Variants in MTFR1 observed in about 807,000 individuals in gnomAD.
MTFR1 encodes the protein chondrocyte protein with a poly-proline region.
Under a neutral mutation model 38.8 loss-of-function variants are expected in MTFR1, and 28 were observed. That is an observed-to-expected ratio of 0.72 (90% CI 0.53 to 0.99). The LOEUF (loss-of-function observed/expected upper bound fraction) is 0.99, where lower values mean the gene tolerates loss of function less well. Ranked by LOEUF, MTFR1 falls within the 50% of genes least tolerant of loss-of-function variation. MTFR1 has a pLI of 0.00. For synonymous variants in MTFR1, 145 were observed against 137.0 expected (o/e 1.06, Z -0.41); for missense variants, 358 against 395.5 (o/e 0.91, Z 0.81).
intron 4 of MTFR1, among the ~76,000 whole-genome samples, chr8:65,699,763 C>T (rs1805555998): frequency 1.3e-5 from 2 of 152,266 alleles, no homozygotes; most frequent in South Asian, 2.1e-4. Context: ...ATGGAATCTA[C>T]CCTTCTGTGT....
At chr8:65,648,846 C>T (rs1809039417) in intron 1 of MTFR1, among the ~76,000 whole-genome samples, 1 of 151,864 alleles carries the variant, frequency 6.6e-6, no homozygotes, top group Non-Finnish European at 1.5e-5. Context: ...TTTTTAGGGA[C>T]AGAGTCTTTC....
At chr8:65,715,311 G>A (rs1806088256), downstream of MTFR1, among the ~76,000 whole-genome samples, 2 of 151,910 alleles carry the variant, frequency 1.3e-5, no homozygotes, top group South Asian at 4.2e-4. Context: ...CACGGTGGCA[G>A]GACTGCTTGA....
In MTFR1 at chr8:65,682,348, C is replaced by T; in HGVS notation, c.67-5C>T. 6.6e-7 allele frequency: 1 copy of T among 1,520,672 alleles called. No individual in the cohort carries two copies. The highest frequency in any genetic ancestry group is 8.9e-7 in the Non-Finnish European group (1 of 1,124,780). 94.2% of individuals were successfully genotyped at this position (1,520,672 alleles called of 1,614,324 possible). A position where few individuals can be genotyped will look rare whatever the true frequency, so the allele number is the denominator to read the frequency against. ...TTAAGCTTTCGGTTTTTCCTACTTC[C>T]TCAGGTACTTTGGTCTAGGAAGCCA... On this transcript the variant is annotated splice_region_variant and splice_polypyrimidine_tract_variant and intron_variant, in intron 2 of 7. Transcript: ENST00000262146.
chr8:65,727,070 A>G, intron 3 of MTFR1: 1 of 995,034 alleles, frequency 1.0e-6, no homozygotes, highest in Non-Finnish European at 1.6e-6. Context: ...AAATTCTAAC[A>G]TTCATTGAGA....
At chr8:65,769,624 G>A (rs1003727370) in intron 3 of MTFR1, among the ~76,000 whole-genome samples, 2 of 152,246 alleles carry the variant, frequency 1.3e-5, no homozygotes, top group East Asian at 1.9e-4. Context: ...GACTGGGTGC[G>A]GTAGCTCATA....
chr8:65,767,818 A>G (rs1808869131), intron 3 of MTFR1, among the ~76,000 whole-genome samples: 1 of 152,162 alleles, frequency 6.6e-6, no homozygotes. Context: ...ATCCTTGATA[A>G]TAAACTGGTA....
chr8:65,732,856 C>T (rs961521168), intron 3 of MTFR1, among the ~76,000 whole-genome samples: 2 of 152,048 alleles, frequency 1.3e-5, no homozygotes, highest in African/African-American at 4.8e-5. Flanking sequence ...CTTTGAGTGA[C>T]TCTGTTTTTT....
intron 1 of MTFR1, among the ~76,000 whole-genome samples, chr8:65,650,206 T>C (rs557904356): frequency 4.1e-5 from 6 of 144,736 alleles, no homozygotes; most frequent in African/African-American, 1.6e-4. Context: ...ACCATCCTTA[T>C]ACTCTTTTTT....
chr8:65,761,800 C>T (rs1563494106), intron 3 of MTFR1, among the ~76,000 whole-genome samples: 1 of 152,160 alleles, frequency 6.6e-6, no homozygotes, highest in Non-Finnish European at 1.5e-5. Context: ...CTGTTGCTTT[C>T]CCCTCCTCAT....
At position 65,692,599 on chromosome 8, in the gene MTFR1, CA is replaced by C. The variant is rs1436248964; in HGVS notation, c.166-1042del. On this transcript the variant is annotated intron_variant, in intron 3 of 7. Transcript: ENST00000262146. Reference sequence around the variant, plus strand: ...AAGTGATCCGCCTGCCTTGGCCTCCCAAAGTACTGGGACTGTAGGCAGGAAC... The same window carrying C: ...AAGTGATCCGCCTGCCTTGGCCTCCCAAGTACTGGGACTGTAGGCAGGAAC... Among the ~76,000 whole-genome samples the C allele has an allele frequency of 2.0e-5, 3 of 151,906 alleles. No homozygotes were observed. In the East Asian group the frequency reaches 5.8e-4, roughly 29 times the overall value.
At position 65,684,543 on chromosome 8, in the gene MTFR1, G is replaced by C. The variant is rs1217399341; in HGVS notation, c.165+2092G>C. 7.9e-5 allele frequency among the ~76,000 whole-genome samples: 12 copies of C among 151,690 alleles called. No homozygotes were observed. In the East Asian group the frequency reaches 2.4e-3, roughly 30 times the overall value. On this transcript the variant is annotated intron_variant, in intron 3 of 7. Transcript: ENST00000262146. ...TGGGATTACAGGCATGTGCCACCAA[G>C]CCTGGCTAATTTTGTATTTTTAATA...
chr8:65,765,750 T>C (rs1012792301), intron 3 of MTFR1: 1 of 152,128 alleles, frequency 6.6e-6, no homozygotes, highest in Non-Finnish European at 1.5e-5. Context: ...ACAACTTCCA[T>C]TACTATTTAA....
chr8:65,719,827 C>T, intron 3 of MTFR1: 1 of 301,012 alleles, frequency 3.3e-6, no homozygotes, highest in South Asian at 3.8e-5. Flanking sequence ...GATACTCGGG[C>T]ATAGCCCAAT....
chr8:65,724,426 G>A lies in MTFR1; in HGVS notation c.*48+4945G>A. Reference sequence around the variant, plus strand: ...ATAATACCAAAGAACCAAGTGCAAGGACTGGATTAACCATAAATATAAATA... The same window carrying A: ...ATAATACCAAAGAACCAAGTGCAAGAACTGGATTAACCATAAATATAAATA... On this transcript the variant is annotated intron_variant, in intron 3 of 3. Coordinates refer to the MTFR1 transcript ENST00000521247. The A allele has an allele frequency of 3.3e-6, 3 of 909,054 alleles. No individual in the cohort carries two copies. In the South Asian group the frequency reaches 4.6e-5, roughly 14 times the overall value. 56.3% of individuals were successfully genotyped at this position (909,054 alleles called of 1,614,324 possible).
chr8:65,703,260 C>T (rs1182127042), intron 4 of MTFR1, among the ~76,000 whole-genome samples: 4 of 151,588 alleles, frequency 2.6e-5, no homozygotes, highest in African/African-American at 9.7e-5. Context: ...GTGGCACGCA[C>T]CTATAGTCCT....
At chr8:65,765,350 G>C (rs967992562) in intron 3 of MTFR1, among the ~76,000 whole-genome samples, 2 of 150,038 alleles carry the variant, frequency 1.3e-5, no homozygotes, top group Non-Finnish European at 1.5e-5. Context: ...TTAGCCGGGC[G>C]TAGTGGCGGG....
chr8:65,704,921 T>C lies in MTFR1; in HGVS notation c.509T>C (p.Leu170Pro). 2 of 1,584,100 alleles carry C rather than the reference T, an allele frequency of 1.3e-6. No homozygotes were observed. The highest frequency in any genetic ancestry group is 1.1e-5 in the South Asian group (1 of 88,286). The change falls in exon 5 of 8, where the codon CTC (leucine) becomes CCC (proline). Residue 170 changes from leucine to proline, a missense_variant. Transcript: ENST00000262146. ...KIVTQQEQQN[L>P]TAGDLDSTTF... ...GTGACCCAGCAGGAGCAGCAAAATC[T>C]CACTGCAGGTCTGTAAGTCCTACAT...
Position 65,707,126 on chromosome 8 carries a change from AAAGAACG to A in MTFR1, c.639_645del (p.Arg215LysfsTer23), listed in dbSNP as rs762159991. 26 of 1,597,484 alleles carry A rather than the reference AAAGAACG, an allele frequency of 1.6e-5. No individual in the cohort carries two copies. Among genetic ancestry groups the A allele is most frequent in the Non-Finnish European group, 2.2e-5 (26 of 1,170,194 alleles). On this transcript the variant is annotated frameshift_variant, in exon 6 of 8. Transcript: ENST00000262146. LOFTEE classifies it high-confidence loss of function. ...AAGTACATCTGCTGTTGATCTGATT[AAAGAACG>A]AAGAGAGAAAAGAGCCAATGCTGGA... is the stretch of plus-strand genomic sequence containing the variant.
At chr8:65,757,971 C>T (rs1444687345) in intron 3 of MTFR1, among the ~76,000 whole-genome samples, 3 of 152,180 alleles carry the variant, frequency 2.0e-5, no homozygotes, top group Non-Finnish European at 4.4e-5. Flanking sequence ...AACCCACTTA[C>T]TCATTTATTT....
Sources: gnomAD v4.1 joint callset for allele counts (sites outside exome capture counted in the v4.1 genomes callset) on GRCh38, gnomAD v4.1.1 for gene constraint, MANE v1.5 for transcripts, NCBI Gene and HGNC (gene_info 2026-07-23, HGNC 2026-07-21) for gene names.